The following BCOR variants were observed in gnomAD, a reference collection of about 807,000 sequenced individuals.
BCOR encodes the protein BCL-6 corepressor.
Under a neutral mutation model 86.7 loss-of-function variants are expected in BCOR, and 10 were observed. The ratio of observed to expected loss-of-function variants is 0.12; its 90% CI spans 0.07 to 0.20. The LOEUF is 0.20. Ranked by LOEUF, BCOR falls within the 10% of genes least tolerant of loss-of-function variation. The probability of loss-of-function intolerance (pLI) is 1.00; values close to 1 mark genes in which losing one functional copy is unlikely to be tolerated. For missense variants in BCOR, 1,259 were observed against 1,452.1 expected (o/e 0.87, Z 2.16); for synonymous variants, 611 against 609.0 (o/e 1.00, Z -0.05).
At chrX:40,167,038 C>T (rs1385866268) in intron 1 of BCOR, among the ~76,000 whole-genome samples, 6 of 111,789 alleles carry the variant, frequency 5.4e-5, no homozygotes, top group Non-Finnish European at 1.1e-4. Context: ...ACTCACAGCT[C>T]TTCACTGATC....
At chrX:40,078,515 C>T (rs751516642) in intron 1 of BCOR, among the ~76,000 whole-genome samples, 1 of 111,635 alleles carries the variant, frequency 9.0e-6, no homozygotes, top group East Asian at 2.8e-4. Flanking sequence ...CCAAGGCTGT[C>T]GTGTGTGCAA....
At chrX:40,102,518 G>C (rs1033019782), upstream of BCOR, among the ~76,000 whole-genome samples, 2 of 113,973 alleles carry the variant, frequency 1.8e-5, no homozygotes, top group Non-Finnish European at 3.7e-5. Context: ...TCCCGCCTCG[G>C]CTGCTTATTT....
chrX:40,139,326 G>C (rs140691286), intron 1 of BCOR, among the ~76,000 whole-genome samples: 957 of 83,691 alleles, frequency 0.011, 13 homozygotes, highest in African/African-American at 0.037. Flanking sequence ...GCTCTTTCAA[G>C]TTTTCTGTGG....
intron 1 of BCOR, among the ~76,000 whole-genome samples, chrX:40,148,714 C>A (rs1017811450): frequency 9.9e-5 from 11 of 111,095 alleles, no homozygotes; most frequent in Admixed American, 2.9e-4. Flanking sequence ...ATCTCATGTG[C>A]CGCGGCAGCC....
At chrX:40,055,649 C>A in intron 11 of BCOR, 136 bp from the exon 12 acceptor site, 1 of 701,277 alleles carries the variant, frequency 1.4e-6, no homozygotes. Context: ...CACAGTATTT[C>A]ATCCAGGAGG....
At chrX:40,125,870 G>T (rs1237626036) in intron 1 of BCOR, among the ~76,000 whole-genome samples, 4 of 111,740 alleles carry the variant, frequency 3.6e-5, no homozygotes, top group Admixed American at 9.6e-5. Flanking sequence ...AGCCTAGAGG[G>T]CACATGTCTC....
intron 1 of BCOR, among the ~76,000 whole-genome samples, chrX:40,154,121 ATAAT>A (rs1938231929): frequency 2.7e-5 from 3 of 112,127 alleles, no homozygotes; most frequent in African/African-American, 6.5e-5. Context: ...ATAATAAAAA[ATAAT>A]TAATAATGAT....
chrX:40,150,408 G>GTTTA (rs1244754971), intron 1 of BCOR, among the ~76,000 whole-genome samples: 2 of 112,407 alleles, frequency 1.8e-5, no homozygotes, highest in Non-Finnish European at 3.8e-5. Context: ...TTTTATCATA[G>GTTTA]TTTAAATCAA....
chrX:40,057,010 T>C, intron 11 of BCOR, 145 bp downstream of exon 11: 1 of 645,814 alleles, frequency 1.5e-6, no homozygotes, highest in South Asian at 2.6e-5. Context: ...TGGATTCAAT[T>C]CCAGAGAACC....
intron 1 of BCOR, among the ~76,000 whole-genome samples, chrX:40,176,626 C>A (rs1488628658): frequency 1.8e-5 from 2 of 111,330 alleles, no homozygotes; most frequent in African/African-American, 3.3e-5. Context: ...CCGTGCCGCA[C>A]CACGCGGAGC....
intron 1 of BCOR, among the ~76,000 whole-genome samples, chrX:40,090,119 C>G (rs1936533644): frequency 8.8e-6 from 1 of 113,010 alleles, no homozygotes; most frequent in African/African-American, 3.2e-5. Context: ...AAAGCCACCT[C>G]CGGCTCGGCT....
intron 1 of BCOR, among the ~76,000 whole-genome samples, chrX:40,140,095 T>A (rs1342179201): frequency 9.2e-6 from 1 of 108,557 alleles, no homozygotes; most frequent in Non-Finnish European, 1.9e-5. Flanking sequence ...TATGAGGGAG[T>A]CTTTAGTTTC....
chrX:40,098,963 G>C (rs1179233469), upstream of BCOR, among the ~76,000 whole-genome samples: 1 of 112,715 alleles, frequency 8.9e-6, no homozygotes, highest in Non-Finnish European at 1.9e-5. Flanking sequence ...GCATTTTCAC[G>C]GTCTGTACCT....
intron 2 of BCOR, chrX:40,077,574 G>C (rs1400510401): frequency 7.6e-6 from 3 of 395,833 alleles, no homozygotes; most frequent in Non-Finnish European, 1.3e-5. Context: ...GCAGTATATA[G>C]ACTGGGATTA....
At chrX:40,173,139 C>G (rs1938666371) in intron 1 of BCOR, among the ~76,000 whole-genome samples, 1 of 111,967 alleles carries the variant, frequency 8.9e-6, no homozygotes, top group Non-Finnish European at 1.9e-5. Context: ...AACCCCCAAA[C>G]AGATCACTTT....
chrX:40,064,690 A>C, intron 6 of BCOR, 91 bp from the exon 7 acceptor site: 1 of 1,016,029 alleles, frequency 9.8e-7, no homozygotes. Flanking sequence ...CACCATGCCC[A>C]AGGTAATCTG....
At chrX:40,171,898 G>A (rs1457019482) in intron 1 of BCOR, among the ~76,000 whole-genome samples, 1 of 112,864 alleles carries the variant, frequency 8.9e-6, no homozygotes. Flanking sequence ...AAGGCGCGCG[G>A]GCTGATGCGC....
chrX:40,131,150 C>T (rs1937596983), intron 1 of BCOR, among the ~76,000 whole-genome samples: 1 of 112,062 alleles, frequency 8.9e-6, no homozygotes, highest in Non-Finnish European at 1.9e-5. Context: ...GGTTGTCTGA[C>T]CTGAAAACAC....
chrX:40,086,170 C>T (rs1027042994), intron 1 of BCOR, among the ~76,000 whole-genome samples: 5 of 109,865 alleles, frequency 4.6e-5, no homozygotes, highest in Non-Finnish European at 9.5e-5. Context: ...TGCACACTTG[C>T]ATTTCCAAGC....
Sources: gnomAD v4.1 joint callset for allele counts (sites outside exome capture counted in the v4.1 genomes callset) on GRCh38, gnomAD v4.1.1 for gene constraint, MANE v1.5 for transcripts, NCBI Gene and HGNC (gene_info 2026-07-23, HGNC 2026-07-21) for gene names.